Variants in EBF1 observed in about 807,000 individuals in gnomAD.
EBF1 encodes the protein EBF transcription factor 1.
EBF1 carries 10 observed loss-of-function variants against 68.4 expected under a neutral mutation model. The observed-to-expected ratio is 0.15, with a 90% CI of 0.09 to 0.25. The LOEUF (loss-of-function observed/expected upper bound fraction) is 0.25, where lower values mean the gene tolerates loss of function less well. EBF1 is among the 10% of genes least tolerant of loss of function. The pLI, the probability that EBF1 is intolerant of heterozygous loss-of-function variation, is 1.00. For missense variants in EBF1, 509 were observed against 794.4 expected (o/e 0.64, Z 4.32); for synonymous variants, 298 against 299.8 (o/e 0.99, Z 0.06).
At chr5:158,906,130 G>C (rs962805776) in intron 6 of EBF1, among the ~76,000 whole-genome samples, 1 of 151,874 alleles carries the variant, frequency 6.6e-6, no homozygotes, top group Non-Finnish European at 1.5e-5. Context: ...GAGGGATAAA[G>C]GTAGACTCAA....
intron 7 of EBF1, among the ~76,000 whole-genome samples, chr5:158,838,450 A>AG (rs1214745095): frequency 2.0e-5 from 3 of 151,416 alleles, no homozygotes; most frequent in Non-Finnish European, 2.9e-5. Flanking sequence ...CATCTCAAAA[A>AG]AAAAAAAAAA....
intron 6 of EBF1, among the ~76,000 whole-genome samples, chr5:158,969,916 G>GA (rs61157554): frequency 1.2e-4 from 10 of 80,100 alleles, no homozygotes; most frequent in East Asian, 3.9e-4. Flanking sequence ...AAGAAAGAAA[G>GA]AAAAAAAAAA....
intron 4 of EBF1, among the ~76,000 whole-genome samples, chr5:159,090,893 T>A (rs539875491): frequency 9.1e-4 from 138 of 152,296 alleles, no homozygotes; most frequent in Non-Finnish European, 1.8e-3. Context: ...GTTCTTAACA[T>A]GTATGAAGTT....
intron 11 of EBF1, among the ~76,000 whole-genome samples, chr5:158,717,929 A>G (rs1761109761): frequency 6.6e-6 from 1 of 152,162 alleles, no homozygotes; most frequent in Admixed American, 6.5e-5. Context: ...GGTTCTATGG[A>G]GAAAAATGTG....
In EBF1 at chr5:158,739,495, AT is replaced by A. The variant is rs964264914; in HGVS notation, c.1037-8339del. Among the ~76,000 whole-genome samples, 48 of 150,290 alleles carry A rather than the reference AT, an allele frequency of 3.2e-4. No individual in the cohort carries two copies. The South Asian group carries it at 4.6e-3, about 15-fold the overall frequency. ...AGCAAACAGAAGTTGAATGTACACA[AT>A]TTTTTTTTTGACCTTTCAATCTTTT... On this transcript the variant is annotated intron_variant, in intron 10 of 15. Transcript: ENST00000313708.
At chr5:158,943,986 C>A (rs563541861) in intron 6 of EBF1, among the ~76,000 whole-genome samples, 214 of 152,298 alleles carry the variant, frequency 1.4e-3, no homozygotes, top group African/African-American at 4.5e-3. Context: ...TCCTAGACTT[C>A]CCATCAAAGC....
At chr5:159,015,628 CT>C (rs1428644334) in intron 6 of EBF1, among the ~76,000 whole-genome samples, 1 of 152,194 alleles carries the variant, frequency 6.6e-6, no homozygotes, top group African/African-American at 2.4e-5. Context: ...TGCTCCTTAA[CT>C]TCAGGAACAC....
chr5:158,808,030 C>A (rs12332420), intron 8 of EBF1, among the ~76,000 whole-genome samples: 63 of 152,230 alleles, frequency 4.1e-4, no homozygotes, highest in Middle Eastern at 3.4e-3. Flanking sequence ...TTATTCAGAG[C>A]CTTATCATTT....
intron 6 of EBF1, among the ~76,000 whole-genome samples, chr5:158,893,470 G>C (rs1251928867): frequency 6.6e-6 from 1 of 152,160 alleles, no homozygotes; most frequent in East Asian, 1.9e-4. Flanking sequence ...ACATGTCCAG[G>C]TTAGAAAAAG....
chr5:158,853,355 G>A (rs560303277), intron 6 of EBF1, among the ~76,000 whole-genome samples: 1 of 152,300 alleles, frequency 6.6e-6, no homozygotes, highest in East Asian at 1.9e-4. Context: ...AGCCAATCAG[G>A]CTCTATCTGA....
intron 6 of EBF1, among the ~76,000 whole-genome samples, chr5:158,840,764 CG>C (rs1258161644): frequency 7.1e-6 from 1 of 141,326 alleles, no homozygotes; most frequent in Non-Finnish European, 1.5e-5. Flanking sequence ...CTCCGCCTCC[CG>C]GGTTCACGCC....
chr5:158,706,157 G>A (rs1581171287), intron 15 of EBF1, among the ~76,000 whole-genome samples: 2 of 151,428 alleles, frequency 1.3e-5, no homozygotes, highest in African/African-American at 4.8e-5. Flanking sequence ...TCTATCATGA[G>A]TAATATTGCC....
intron 9 of EBF1, among the ~76,000 whole-genome samples, chr5:158,782,847 C>T (rs1776689382): frequency 6.6e-6 from 1 of 151,880 alleles, no homozygotes; most frequent in Admixed American, 6.6e-5. Flanking sequence ...TGTTCTTAAC[C>T]TGATAATACT....
intron 15 of EBF1, 86 bp downstream of exon 15, chr5:158,707,893 A>G: frequency 7.0e-7 from 1 of 1,432,460 alleles, no homozygotes; most frequent in Non-Finnish European, 9.5e-7. Context: ...TGATACCCTC[A>G]GCAATGGTGA....
chr5:158,942,731 G>A (rs1040669425), intron 6 of EBF1, among the ~76,000 whole-genome samples: 1 of 151,964 alleles, frequency 6.6e-6, no homozygotes, highest in Non-Finnish European at 1.5e-5. Flanking sequence ...GAGAAATGCT[G>A]GAATAGAGTG....
At chr5:158,947,662 A>C (rs1815079840) in intron 6 of EBF1, among the ~76,000 whole-genome samples, 1 of 152,208 alleles carries the variant, frequency 6.6e-6, no homozygotes, top group Admixed American at 6.5e-5. Flanking sequence ...GAACTTCCTT[A>C]AGGTTTTCTC....
intron 6 of EBF1, among the ~76,000 whole-genome samples, chr5:159,038,094 C>A (rs62385430): frequency 6.6e-6 from 1 of 152,068 alleles, no homozygotes; most frequent in Non-Finnish European, 1.5e-5. Flanking sequence ...TGCCCCATAT[C>A]TTTCCTTGTC....
At chr5:159,012,634 G>GC (rs1337555041) in intron 6 of EBF1, among the ~76,000 whole-genome samples, 1 of 152,106 alleles carries the variant, frequency 6.6e-6, no homozygotes, top group African/African-American at 2.4e-5. Context: ...CTACAGGCAA[G>GC]CCACTATGCT....
chr5:158,927,750 A>G (rs908556640), intron 6 of EBF1, among the ~76,000 whole-genome samples: 1 of 152,192 alleles, frequency 6.6e-6, no homozygotes, highest in Non-Finnish European at 1.5e-5. Context: ...GTGTTTGGCT[A>G]TCAATTATCT....
Sources: gnomAD v4.1 joint callset for allele counts (sites outside exome capture counted in the v4.1 genomes callset) on GRCh38, gnomAD v4.1.1 for gene constraint, MANE v1.5 for transcripts, NCBI Gene and HGNC (gene_info 2026-07-23, HGNC 2026-07-21) for gene names.